The following MEGF10 variants were observed in gnomAD, a reference collection of about 807,000 sequenced individuals.
MEGF10 encodes multiple EGF like domains 10, also known as multiple epidermal growth factor-like domains protein 10.
MEGF10 carries 86 observed loss-of-function variants against 147.5 expected under a neutral mutation model. The observed-to-expected ratio is 0.58, with a 90% CI of 0.49 to 0.70. The LOEUF (loss-of-function observed/expected upper bound fraction) is 0.70, where lower values mean the gene tolerates loss of function less well. Ranked by LOEUF, MEGF10 falls within the 30% of genes least tolerant of loss-of-function variation. The probability of loss-of-function intolerance (pLI) is 0.00; values close to 1 mark genes in which losing one functional copy is unlikely to be tolerated. For synonymous variants in MEGF10, 478 were observed against 525.5 expected (o/e 0.91, Z 1.24); for missense variants, 1,329 against 1,487.3 (o/e 0.89, Z 1.75).
chr5:127,273,711 T>G, the MEGF10 span, among the ~76,000 whole-genome samples: 1 of 152,328 alleles, frequency 6.6e-6, no homozygotes, highest in African/African-American at 2.4e-5. Context: ...GATAAGGTCA[T>G]ACACACAGCT....
chr5:127,356,739 G>C (rs1253029394), intron 4 of MEGF10, among the ~76,000 whole-genome samples: 1 of 152,204 alleles, frequency 6.6e-6, no homozygotes, highest in African/African-American at 2.4e-5. Context: ...ATCTGTAGTT[G>C]AATCCCTCTA....
At chr5:127,409,293 C>G (rs1393058107) in intron 8 of MEGF10, among the ~76,000 whole-genome samples, 2 of 152,286 alleles carry the variant, frequency 1.3e-5, no homozygotes, top group Middle Eastern at 3.4e-3. Flanking sequence ...CAAGGCTGAC[C>G]TACATTTCTG....
At chr5:127,263,384 C>T in the MEGF10 span, among the ~76,000 whole-genome samples, 7,619 of 151,840 alleles carry the variant, frequency 0.05, 320 homozygotes, top group African/African-American at 0.11. Context: ...CTATAGATTT[C>T]CAGTTATGAC....
At chr5:127,340,501 T>C (rs1256230551) in intron 3 of MEGF10, 29 bp from the exon 4 acceptor site, 1 of 1,576,018 alleles carries the variant, frequency 6.3e-7, no homozygotes, top group Non-Finnish European at 8.7e-7. Context: ...TTTTATTATG[T>C]TTAATAGCTA....
At chr5:127,447,074 A>C (rs1022573783) in intron 20 of MEGF10, among the ~76,000 whole-genome samples, 9 of 152,326 alleles carry the variant, frequency 5.9e-5, no homozygotes, top group African/African-American at 2.2e-4. Context: ...AGGAAGGTAG[A>C]GGCCTGTTGC....
chr5:127,251,702 A>G, the MEGF10 span, among the ~76,000 whole-genome samples: 1 of 152,066 alleles, frequency 6.6e-6, no homozygotes, highest in Admixed American at 6.6e-5. Context: ...AGTACTAGAC[A>G]TAGCTGCAGA....
chr5:127,331,953 A>G (rs1456719562), intron 2 of MEGF10, among the ~76,000 whole-genome samples: 1 of 151,966 alleles, frequency 6.6e-6, no homozygotes, highest in Admixed American at 6.6e-5. Context: ...GTGGGTTGCA[A>G]TGATTGGAAG....
In MEGF10 at chr5:127,434,787, C is replaced by T. The variant is rs773830464; in HGVS notation, c.1941C>T (p.Cys647=). 13 of 1,613,596 alleles carry T rather than the reference C, an allele frequency of 8.1e-6. No homozygotes were observed. The highest frequency in any genetic ancestry group is 2.2e-5 in the East Asian group (1 of 44,868). The stretch of plus-strand genomic sequence containing the variant: ...ACCACATCACCGGCCTGTGTGACTG[C>T]TTGCCTGGCTTCACAGGCGCCCTCT... ...PCHHITGLCD[C]LPGFTGALCN... The change falls in exon 15 of 25, where the codon TGC becomes TGT. Residue 647 remains cysteine, a synonymous_variant. Transcript: ENST00000503335.
At chr5:127,450,003 A>G (rs1766093512) in intron 22 of MEGF10, among the ~76,000 whole-genome samples, 1 of 152,224 alleles carries the variant, frequency 6.6e-6, no homozygotes, top group African/African-American at 2.4e-5. Context: ...ACATTTTCCA[A>G]AACCCTTCAA....
At chr5:127,447,789 A>G in intron 21 of MEGF10, 105 bp downstream of exon 21, 1 of 1,370,964 alleles carries the variant, frequency 7.3e-7, no homozygotes, top group Non-Finnish European at 9.9e-7. Flanking sequence ...TAGGTACTTT[A>G]CATATATTAT....
intron 1 of MEGF10, among the ~76,000 whole-genome samples, chr5:127,293,783 G>A (rs920037950): frequency 6.6e-6 from 1 of 152,212 alleles, no homozygotes; most frequent in Admixed American, 6.5e-5. Context: ...CCAGAAGTAA[G>A]GGCCAGTAAT....
intron 1 of MEGF10, among the ~76,000 whole-genome samples, chr5:127,294,499 G>A (rs1461162352): frequency 6.6e-6 from 1 of 152,164 alleles, no homozygotes; most frequent in Non-Finnish European, 1.5e-5. Flanking sequence ...AGCCTAGGAA[G>A]TTAATAACTT....
chr5:127,385,521 A>T (rs953527165), intron 5 of MEGF10, among the ~76,000 whole-genome samples: 2 of 152,160 alleles, frequency 1.3e-5, no homozygotes, highest in African/African-American at 4.8e-5. Flanking sequence ...GATCTGCCCG[A>T]CTTGGCCTGC....
chr5:127,285,215 C>T, the MEGF10 span, among the ~76,000 whole-genome samples: 1 of 152,080 alleles, frequency 6.6e-6, no homozygotes, highest in Middle Eastern at 3.4e-3. Context: ...GATCAATTCC[C>T]AATATCATGA....
At chr5:127,249,529 T>C in the MEGF10 span, among the ~76,000 whole-genome samples, 2 of 152,130 alleles carry the variant, frequency 1.3e-5, no homozygotes, top group East Asian at 1.9e-4. Flanking sequence ...AACTGCAAGA[T>C]AGTAAAATTA....
the MEGF10 span, among the ~76,000 whole-genome samples, chr5:127,279,821 A>G: frequency 6.6e-6 from 1 of 152,228 alleles, no homozygotes; most frequent in Non-Finnish European, 1.5e-5. Flanking sequence ...GGGGTAATGC[A>G]TGCACAATAC....
Position 127,433,237 on chromosome 5 carries a change from C to T in MEGF10, c.1694-126C>T. ...TATTGATGTTTATAAGATGGTAACT[C>T]TCCATTCATTGCTGCTGGTGATCCT... On this transcript the variant is annotated intron_variant, in intron 13 of 24. Coordinates refer to ENST00000503335, the MANE Select transcript of MEGF10 (RefSeq NM_001256545.2). 3 of 1,083,500 alleles carry T rather than the reference C, an allele frequency of 2.8e-6. No individual in the cohort carries two copies. The South Asian group carries it at 4.3e-5, about 16-fold the overall frequency. The allele number at this position is 1,083,500 out of a possible 1,614,324, so 67.1% of individuals were successfully genotyped here.
the MEGF10 span, among the ~76,000 whole-genome samples, chr5:127,271,792 C>A: frequency 1.3e-5 from 2 of 152,172 alleles, no homozygotes; most frequent in Non-Finnish European, 2.9e-5. Context: ...GAGGCCTCCC[C>A]AGCCCTGTGG....
the MEGF10 span, among the ~76,000 whole-genome samples, chr5:127,265,536 A>G: frequency 1.3e-5 from 2 of 152,264 alleles, no homozygotes; most frequent in South Asian, 2.1e-4. Context: ...AGTCCCACCA[A>G]CAGTGTAAAA....
Sources: allele counts gnomAD v4.1 joint callset (sites outside exome capture counted in the v4.1 genomes callset), GRCh38; gene constraint gnomAD v4.1.1; transcripts MANE v1.5; gene names NCBI Gene and HGNC (gene_info 2026-07-23, HGNC 2026-07-21).